Variants in TRRAP observed in about 807,000 individuals in gnomAD.
TRRAP encodes the protein transformation/transcription domain-associated protein.
TRRAP carries 41 observed loss-of-function variants against 438.8 expected under a neutral mutation model. The observed-to-expected ratio is 0.09, with a 90% CI of 0.07 to 0.12. The LOEUF (loss-of-function observed/expected upper bound fraction) is 0.12, where lower values mean the gene tolerates loss of function less well. TRRAP is among the 10% of genes least tolerant of loss of function. The pLI is 1.00. For missense variants in TRRAP, 3,122 were observed against 5,055.1 expected, an observed-to-expected ratio of 0.62 and a Z score of 11.60; for synonymous variants, 1,994 against 1,962.9, an observed-to-expected ratio of 1.02 and a Z score of -0.42.
chr7:98,924,794 G>A (rs1554411229), intron 21 of TRRAP, among the ~76,000 whole-genome samples: 1 of 151,108 alleles, frequency 6.6e-6, no homozygotes, highest in Non-Finnish European at 1.5e-5. Context: ...ACGAGGTCAG[G>A]AGATCGAGAC....
chr7:98,990,570 C>A lies in TRRAP; in HGVS notation c.9707C>A (p.Thr3236Asn). Reference protein sequence around the residue: ...QWLAWIPQLLTCLVGSEGKLL... With the variant: ...QWLAWIPQLLNCLVGSEGKLL... ...CTGGCCTGGATCCCACAGCTGCTCA[C>A]CTGCCTGGTTGGCTCGGAGGGAAAG... Residue 3236 changes from threonine (T) to asparagine (N), a missense_variant, in exon 64 of 73, where the codon ACC becomes AAC. Physicochemically the swap from Thr to Asn is moderately conservative, Grantham distance 65. Around this residue, in one of 24 missense-constraint regions of TRRAP, gnomAD observed 52 missense variants for 88.3 expected, o/e 0.59. Coordinates refer to ENST00000456197, the MANE Select transcript of TRRAP (RefSeq NM_001375524.1). 1 of 1,614,134 alleles carries A rather than the reference C, an allele frequency of 6.2e-7. No homozygotes were observed. The highest frequency in any genetic ancestry group is 1.1e-5 in the South Asian group (1 of 91,092).
At chr7:98,911,793 A>G (rs1789289078) in intron 17 of TRRAP, among the ~76,000 whole-genome samples, 1 of 151,598 alleles carries the variant, frequency 6.6e-6, no homozygotes, top group African/African-American at 2.4e-5. Flanking sequence ...AAAAAAATGC[A>G]TTAAATGTAT....
chr7:98,908,847 C>T lies in TRRAP; in HGVS notation c.1235C>T (p.Pro412Leu). ...FAKNIDDESL[P>L]SSIQTMSCKL... is the part of the protein sequence containing the mutation. ...AAGAACATCGACGATGAGTCCCTGC[C>T]CAGCAGCATCCAGACCATGTCCTGC... The change falls in exon 14 of 73, where the codon CCC (proline) becomes CTC (leucine). Residue 412 changes from proline (P) to leucine (L), a missense_variant. Pro to Leu is a moderately conservative substitution (Grantham distance 98). This residue lies in a region of TRRAP where 343 missense variants were observed against 564.0 expected (regional missense o/e 0.61). Coordinates refer to ENST00000456197, the MANE Select transcript of TRRAP (RefSeq NM_001375524.1). This position sits in a 1 kb window ranked among gnomAD's most constrained non-coding sequence, Gnocchi z 4.1. The T allele has an allele frequency of 1.2e-6, 2 of 1,613,648 alleles. No homozygotes were observed. Among genetic ancestry groups the T allele is most frequent in the South Asian group, 1.1e-5 (1 of 90,916 alleles).
At chr7:98,963,793 G>A (rs1792030974) in intron 47 of TRRAP, among the ~76,000 whole-genome samples, 1 of 152,114 alleles carries the variant, frequency 6.6e-6, no homozygotes, top group African/African-American at 2.4e-5. Flanking sequence ...AAAATTTAAC[G>A]AGTAGGGCCA....
chr7:98,918,984 C>G (rs1167439055), intron 20 of TRRAP, among the ~76,000 whole-genome samples: 1 of 73,584 alleles, frequency 1.4e-5, no homozygotes, highest in Non-Finnish European at 2.9e-5. Context: ...TAAACTGTCT[C>G]AAAAAAAAAA....
intron 51 of TRRAP, 102 bp from the exon 52 acceptor site, chr7:98,970,010 G>A: frequency 7.1e-7 from 1 of 1,405,382 alleles, no homozygotes; most frequent in Non-Finnish European, 9.8e-7. Context: ...TGGACCTGCA[G>A]AGTCAGAGGT....
intron 8 of TRRAP, 38 bp downstream of exon 8, chr7:98,897,904 T>C (rs1562930683): frequency 3.1e-6 from 5 of 1,611,452 alleles, no homozygotes; most frequent in Non-Finnish European, 2.5e-6. Context: ...CCGTGGCTCC[T>C]GTAGTTTCGG....
intron 12 of TRRAP, 121 bp downstream of exon 12, chr7:98,903,638 T>C (rs1288599262): frequency 1.1e-5 from 15 of 1,387,424 alleles, no homozygotes; most frequent in African/African-American, 1.4e-5. Context: ...CCTTCATTGC[T>C]GTCTTGGGTT....
chr7:98,935,435 C>G (rs1554413993), intron 27 of TRRAP, 144 bp from the exon 28 acceptor site: 2 of 639,326 alleles, frequency 3.1e-6, no homozygotes, highest in African/African-American at 3.7e-5. Context: ...TACTTTGATA[C>G]TTAAAATCTT....
rs1360401833 is a variant in TRRAP, at chr7:98,990,492, C to T, written c.9629C>T (p.Thr3210Ile). ...TTGAGTTTTGATGATGACAAAAACA[C>T]TTTGGCAGATGCCGTCGACAAGTAC... ...WLLSFDDDKN[T>I]LADAVDKYCI... The change falls in exon 64 of 73, where the codon ACT (threonine) becomes ATT (isoleucine). Residue 3210 changes from threonine (T) to isoleucine (I), a missense_variant. Coordinates refer to ENST00000456197, the MANE Select transcript of TRRAP (RefSeq NM_001375524.1). 3 of 1,613,862 alleles carry T rather than the reference C, an allele frequency of 1.9e-6. No homozygotes were observed. Among genetic ancestry groups the T allele is most frequent in the Non-Finnish European group, 2.5e-6 (3 of 1,179,844 alleles).
intron 52 of TRRAP, among the ~76,000 whole-genome samples, chr7:98,970,836 G>A (rs1035098506): frequency 2.0e-5 from 3 of 152,200 alleles, no homozygotes; most frequent in Non-Finnish European, 4.4e-5. Context: ...CAGAACCCAT[G>A]TCTCTGCCTA....
chr7:98,930,563 A>G, intron 24 of TRRAP, 70 bp from the exon 25 acceptor site: 1 of 1,587,400 alleles, frequency 6.3e-7, no homozygotes, highest in Non-Finnish European at 8.6e-7. Context: ...GGGCAATAAG[A>G]GCGAAACTCT....
chr7:99,012,203 C>T lies in TRRAP; in HGVS notation c.11470C>T (p.Leu3824=), dbSNP rs777811230. 3.1e-6 allele frequency: 5 copies of T among 1,614,212 alleles called. No homozygotes were observed. The South Asian group carries it at 5.5e-5, about 18-fold the overall frequency. ...ENMDSQQLVS[L]VQKAVTAIMT... is the part of the protein sequence containing the mutation. Reference sequence around the variant, plus strand: ...CATGGACAGCCAGCAACTGGTGTCCCTGGTTCAGAAAGCCGTCACCGCCAT... The same window carrying T: ...CATGGACAGCCAGCAACTGGTGTCCTTGGTTCAGAAAGCCGTCACCGCCAT... The change falls in exon 73 of 73, where the codon CTG becomes TTG. Residue 3824 remains leucine, a synonymous_variant. Coordinates refer to ENST00000456197, the MANE Select transcript of TRRAP (RefSeq NM_001375524.1). The surrounding 1 kb of genome is among the most constrained non-coding windows in gnomAD (Gnocchi z 5.9).
At chr7:98,993,849 T>A (rs878915124) in intron 66 of TRRAP, 112 bp downstream of exon 66, 1 of 1,110,386 alleles carries the variant, frequency 9.0e-7, no homozygotes, top group South Asian at 1.5e-5. Context: ...TTTTATATAT[T>A]TGTTGTTGAA....
chr7:98,966,958 T>C, intron 49 of TRRAP, 83 bp from the exon 50 acceptor site: 1 of 1,444,094 alleles, frequency 6.9e-7, no homozygotes, highest in Non-Finnish European at 9.4e-7. Context: ...TTATTGTGCT[T>C]GATAAAATTG....
At position 99,012,039 on chromosome 7, in the gene TRRAP, A is replaced by G. The variant is rs1483971322; in HGVS notation, c.11338-32A>G. On this transcript the variant is annotated intron_variant, in intron 72 of 72. Coordinates refer to ENST00000456197, the MANE Select transcript of TRRAP (RefSeq NM_001375524.1). The surrounding 1 kb of genome is among the most constrained non-coding windows in gnomAD (Gnocchi z 5.9). ...GCCCCTGTGGGCTGTTCTTGGTTAAACACAAGTCGTCTCGTTCTCTCCCTC... is the reference window on the plus strand; with the variant it reads ...GCCCCTGTGGGCTGTTCTTGGTTAAGCACAAGTCGTCTCGTTCTCTCCCTC... 4 of 1,603,954 alleles carry G rather than the reference A, an allele frequency of 2.5e-6. No individual in the cohort carries two copies. Among genetic ancestry groups the G allele is most frequent in the Non-Finnish European group, 8.5e-7 (1 of 1,173,020 alleles).
intron 25 of TRRAP, 118 bp from the exon 26 acceptor site, chr7:98,931,287 C>G (rs1790311119): frequency 6.9e-7 from 1 of 1,440,516 alleles, no homozygotes; most frequent in African/African-American, 1.4e-5. Context: ...ATTAAAGCAG[C>G]TGGCGAGAAG....
intron 33 of TRRAP, among the ~76,000 whole-genome samples, chr7:98,946,648 A>G (rs559096157): frequency 6.6e-5 from 10 of 151,096 alleles, no homozygotes; most frequent in African/African-American, 2.2e-4. Context: ...TGCACTGACA[A>G]CACACATGCA....
At position 98,957,968 on chromosome 7, in the gene TRRAP, G is replaced by T. The variant is rs782373442; in HGVS notation, c.6232-13G>T. ...GCGATTCTCTTCCTGCCTGAAAGGA[G>T]GTCCTTTTCCAGGTCTTTGGGAGGA... On this transcript the variant is annotated splice_polypyrimidine_tract_variant and intron_variant, in intron 43 of 72. Transcript: ENST00000456197. 24 of 1,611,778 alleles carry T rather than the reference G, an allele frequency of 1.5e-5. No individual in the cohort carries two copies. In the African/African-American group the frequency reaches 2.7e-4, roughly 18 times the overall value.
Sources: allele counts gnomAD v4.1 joint callset (sites outside exome capture counted in the v4.1 genomes callset), GRCh38; gene constraint gnomAD v4.1.1; regional missense constraint gnomAD v4.1.1; non-coding constraint Gnocchi (gnomAD v3.1); transcripts MANE v1.5; gene names NCBI Gene and HGNC (gene_info 2026-07-23, HGNC 2026-07-21).